BRAF: variants seen among roughly 807,000 people sequenced by gnomAD.
BRAF encodes the protein B-Raf proto-oncogene, serine/threonine kinase.
In BRAF, 16 loss-of-function variants were observed where a neutral mutation model predicts 104.6. The ratio of observed to expected loss-of-function variants is 0.15; its 90% CI spans 0.10 to 0.23. The LOEUF (loss-of-function observed/expected upper bound fraction) is 0.23. Among genes scored for constraint, BRAF ranks in the 10% least tolerant of loss-of-function variants. The pLI is 1.00. For missense variants in BRAF, 541 were observed against 937.3 expected (o/e 0.58, Z 5.52); for synonymous variants, 310 against 341.6 (o/e 0.91, Z 1.02).
At chr7:140,802,420 C>T (rs933630788) in intron 5 of BRAF, among the ~76,000 whole-genome samples, 4 of 151,802 alleles carry the variant, frequency 2.6e-5, no homozygotes, top group South Asian at 2.1e-4. Flanking sequence ...CTTCAGCCTC[C>T]CGAGCAGCTG....
At chr7:140,780,958 C>T (rs1003101324) in intron 12 of BRAF, 14 of 151,252 alleles carry the variant, frequency 9.3e-5, no homozygotes, top group Admixed American at 4.0e-4. Flanking sequence ...TTTTTTGAGA[C>T]GGAGTCTCAC....
intron 16 of BRAF, among the ~76,000 whole-genome samples, chr7:140,750,309 G>A (rs1419804861): frequency 6.6e-6 from 1 of 152,158 alleles, no homozygotes; most frequent in Non-Finnish European, 1.5e-5. Flanking sequence ...AAAGACCTGG[G>A]ACAAGATTCC....
intron 14 of BRAF, among the ~76,000 whole-genome samples, chr7:140,773,082 G>C (rs573678443): frequency 2.0e-5 from 3 of 152,252 alleles, no homozygotes; most frequent in South Asian, 4.1e-4. Context: ...TTCTCCCTCT[G>C]AGAAAACTGA....
In BRAF at chr7:140,794,292, A is replaced by G. The variant is rs1298783330; in HGVS notation, c.1140+16T>C. The G allele has an allele frequency of 2.5e-6, 4 of 1,613,646 alleles. No homozygotes were observed. Among genetic ancestry groups the G allele is most frequent in the Non-Finnish European group, 3.4e-6 (4 of 1,179,892 alleles). ...TACTTGGTTTTTTTTTAGTTCTAGC[A>G]ATGCTGGATACTTACATCAATATTG... On this transcript the variant is annotated intron_variant, in intron 8 of 19. Transcript: ENST00000644969.
chr7:140,783,065 G>A lies in BRAF; in HGVS notation c.1390C>T (p.Arg464Ter), dbSNP rs1801030940. The A allele has an allele frequency of 6.2e-7, 1 of 1,613,882 alleles. No individual in the cohort carries two copies. Among genetic ancestry groups the A allele is most frequent in the African/African-American group, 1.3e-5 (1 of 74,964 alleles). Residue 464 changes from arginine (R) to a stop codon, truncating the protein, a stop_gained, in exon 11 of 20, where the codon CGA (arginine) becomes TGA (stop). Transcript: ENST00000644969. LOFTEE classifies it high-confidence loss of function. ...GAGGATGAAGATGACTTCCTTTCTC[G>A]CTGAGGTCCTGGAGATTTCTGTAAG... ...KALQKSPGPQ[R>*]ERKSSSSSED...
intron 1 of BRAF, among the ~76,000 whole-genome samples, chr7:140,857,673 G>A (rs1004301497): frequency 1.3e-5 from 2 of 152,126 alleles, no homozygotes; most frequent in Non-Finnish European, 2.9e-5. Flanking sequence ...GAAAGGGCCA[G>A]CATTACAGCA....
At chr7:140,845,203 G>C (rs1586379467) in intron 2 of BRAF, among the ~76,000 whole-genome samples, 3 of 152,098 alleles carry the variant, frequency 2.0e-5, no homozygotes, top group East Asian at 3.9e-4. Context: ...ATATGCAAAA[G>C]AACGAAGTTG....
chr7:140,880,167 A>C (rs1223346597), intron 1 of BRAF, among the ~76,000 whole-genome samples: 1 of 152,220 alleles, frequency 6.6e-6, no homozygotes, highest in Non-Finnish European at 1.5e-5. Flanking sequence ...ACTTGGAGTC[A>C]GTCCTCTCAA....
chr7:140,747,837 C>CA (rs1366363961), intron 17 of BRAF, among the ~76,000 whole-genome samples: 3 of 152,152 alleles, frequency 2.0e-5, no homozygotes, highest in Non-Finnish European at 4.4e-5. Context: ...AGATCTATCA[C>CA]AAGTACAGTA....
intron 19 of BRAF, among the ~76,000 whole-genome samples, chr7:140,730,370 T>C (rs1795870828): frequency 6.6e-6 from 1 of 152,048 alleles, no homozygotes; most frequent in African/African-American, 2.4e-5. Context: ...TTAAGCTGCA[T>C]CTTCTGTTTC....
chr7:140,811,271 T>C (rs759751200), intron 3 of BRAF, among the ~76,000 whole-genome samples: 44 of 152,176 alleles, frequency 2.9e-4, no homozygotes, highest in Admixed American at 5.2e-4. Flanking sequence ...GAGGTGGCAG[T>C]AGCATGCATA....
At chr7:140,899,103 T>A (rs1246523985) in intron 1 of BRAF, among the ~76,000 whole-genome samples, 1 of 152,186 alleles carries the variant, frequency 6.6e-6, no homozygotes, top group Non-Finnish European at 1.5e-5. Flanking sequence ...AGCAATCTTA[T>A]ATATATGCTT....
At chr7:140,833,887 A>G (rs184072833) in intron 3 of BRAF, 4 of 152,290 alleles carry the variant, frequency 2.6e-5, no homozygotes, top group African/African-American at 7.2e-5. Flanking sequence ...CAAGTCAGAA[A>G]GGAATTTTTG....
At position 140,798,432 on chromosome 7, in the gene BRAF, T is replaced by C. The variant is rs544558933; in HGVS notation, c.980+1930A>G. The stretch of plus-strand genomic sequence containing the variant: ...CCACCACGCCCGGCTAATTTTGTTT[T>C]TGTATTTTTAGTAGAGACGGGGTTT... On this transcript the variant is annotated intron_variant, in intron 7 of 19. Transcript: ENST00000644969. Among the ~76,000 whole-genome samples, 13 of 151,746 alleles carry C rather than the reference T, an allele frequency of 8.6e-5. No individual in the cohort carries two copies. The South Asian group carries it at 2.1e-3, about 24-fold the overall frequency.
Position 140,781,708 on chromosome 7 carries a change from T to TA in BRAF, c.1435-16dup. 2 of 1,606,754 alleles carry TA rather than the reference T, an allele frequency of 1.2e-6. No homozygotes were observed. The highest frequency in any genetic ancestry group is 1.7e-6 in the Non-Finnish European group (2 of 1,173,616). ...CCAAGTGTTTTCTTGATAAAAACAG[T>TA]AAAAAAGTCAAGTCAAGCCAAACAG... On this transcript the variant is annotated splice_polypyrimidine_tract_variant and intron_variant, in intron 11 of 19. Coordinates refer to ENST00000644969, the MANE Select transcript of BRAF (RefSeq NM_001374258.1).
chr7:140,785,524 C>T (rs192595432), intron 10 of BRAF, among the ~76,000 whole-genome samples: 11 of 152,292 alleles, frequency 7.2e-5, no homozygotes, highest in Non-Finnish European at 7.4e-5. Context: ...GCAGTGAGTA[C>T]GTGTGAGACG....
At position 140,830,276 on chromosome 7, in the gene BRAF, G is replaced by C. The variant is rs558019162; in HGVS notation, c.504+4333C>G. ...TAAATAAAAATTAGGTTGATTTGGT[G>C]TGGACTTACTCCTGTACAGTTGTAT... is the stretch of plus-strand genomic sequence containing the variant. On this transcript the variant is annotated intron_variant, in intron 3 of 19. Transcript: ENST00000644969. Among the ~76,000 whole-genome samples the C allele has an allele frequency of 2.0e-5, 3 of 152,296 alleles. No homozygotes were observed. The South Asian group carries it at 6.2e-4, about 32-fold the overall frequency.
intron 3 of BRAF, among the ~76,000 whole-genome samples, chr7:140,819,008 T>C (rs1805187922): frequency 6.6e-6 from 1 of 152,198 alleles, no homozygotes; most frequent in South Asian, 2.1e-4. Context: ...CTCTAGAGCA[T>C]TCAGTTTTAT....
intron 14 of BRAF, among the ~76,000 whole-genome samples, chr7:140,760,906 C>T (rs1044953308): frequency 2.0e-5 from 3 of 152,196 alleles, no homozygotes; most frequent in East Asian, 1.9e-4. Flanking sequence ...ACCAAATCTA[C>T]GTCTGATTAG....
Sources: gnomAD v4.1 joint callset for allele counts (sites outside exome capture counted in the v4.1 genomes callset) on GRCh38, gnomAD v4.1.1 for gene constraint, MANE v1.5 for transcripts, NCBI Gene and HGNC (gene_info 2026-07-23, HGNC 2026-07-21) for gene names.